TPST1: variants seen among roughly 807,000 people sequenced by gnomAD.
TPST1 encodes tyrosylprotein sulfotransferase 1.
A neutral mutation model predicts 34.8 loss-of-function variants in TPST1; 20 were observed. The ratio of observed to expected loss-of-function variants is 0.57; its 90% CI spans 0.40 to 0.84. TPST1 has a LOEUF of 0.84. TPST1 is among the 40% of genes least tolerant of loss of function. TPST1 has a pLI of 0.00. For missense variants in TPST1, 353 were observed against 455.5 expected (o/e 0.78, Z 2.05); for synonymous variants, 152 against 159.4 (o/e 0.95, Z 0.35).
At chr7:66,215,745 G>A (rs576959855) in intron 1 of TPST1, among the ~76,000 whole-genome samples, 63 of 149,222 alleles carry the variant, frequency 4.2e-4, no homozygotes, top group South Asian at 3.6e-3. Context: ...TACTAGTGAA[G>A]CCATCTTGTC....
At chr7:66,297,432 C>T (rs569442068) in intron 3 of TPST1, among the ~76,000 whole-genome samples, 90 of 152,302 alleles carry the variant, frequency 5.9e-4, no homozygotes, top group African/African-American at 2.1e-3. Flanking sequence ...ATGCTGTGCT[C>T]ATCTATACTT....
At chr7:66,218,971 C>G in intron 1 of TPST1, among the ~76,000 whole-genome samples, 1 of 151,966 alleles carries the variant, frequency 6.6e-6, no homozygotes, top group East Asian at 1.9e-4. Flanking sequence ...ACCTCTGCCT[C>G]CCCGGTTTAA....
In TPST1 at chr7:66,221,926, A is replaced by G. The variant is rs74542066; in HGVS notation, c.-102+16404A>G. ...TTTTTGAGGCAATGATTGAAATTGC[A>G]AAGTTTTTTTCATCAGTTCCAGATT... On this transcript the variant is annotated intron_variant, in intron 1 of 5. Transcript: ENST00000304842. Among the ~76,000 whole-genome samples, 1,147 of 152,302 alleles carry G rather than the reference A, an allele frequency of 7.5e-3. 15 individuals carry two copies. Among genetic ancestry groups the G allele is most frequent in the African/African-American group, 0.024 (997 of 41,570 alleles).
chr7:66,276,396 C>T (rs533704877), intron 2 of TPST1, among the ~76,000 whole-genome samples: 23 of 55,260 alleles, frequency 4.2e-4, no homozygotes, highest in Non-Finnish European at 5.6e-4. Context: ...TTTTTTGAGG[C>T]AGAGCCTCAC....
rs772444654 is a variant in TPST1 at position 66,332,799 on chromosome 7, T to G, written c.1045-19706T>G. On this transcript the variant is annotated intron_variant, in intron 3 of 5. Transcript: ENST00000304842. This position sits in a 1 kb window ranked among gnomAD's most constrained non-coding sequence, Gnocchi z 4.5. ...TGTTATAAGCAGTCTAGAGATGATT[T>G]AAAGTATACAGGAGGATATGTGTAT... Among the ~76,000 whole-genome samples, 11 of 152,188 alleles carry G rather than the reference T, an allele frequency of 7.2e-5. No individual in the cohort carries two copies. The highest frequency in any genetic ancestry group is 1.3e-4 in the Admixed American group (2 of 15,278).
intron 1 of TPST1, among the ~76,000 whole-genome samples, chr7:66,222,807 C>T (rs1206315851): frequency 6.6e-6 from 1 of 152,166 alleles, no homozygotes; most frequent in Non-Finnish European, 1.5e-5. Context: ...CCCTGGGCCC[C>T]TGTTCTTTAA....
intron 3 of TPST1, among the ~76,000 whole-genome samples, chr7:66,316,532 C>A (rs1791636600): frequency 6.6e-6 from 1 of 152,162 alleles, no homozygotes; most frequent in South Asian, 2.1e-4. Flanking sequence ...TTGAAATCTT[C>A]CACTTTGTGG....
At chr7:66,305,767 G>A (rs1791410199) in intron 3 of TPST1, among the ~76,000 whole-genome samples, 1 of 152,160 alleles carries the variant, frequency 6.6e-6, no homozygotes. Flanking sequence ...TTTTGGGGAA[G>A]GATTTTGATA....
chr7:66,284,284 G>A (rs1790987684), intron 2 of TPST1, among the ~76,000 whole-genome samples: 1 of 152,154 alleles, frequency 6.6e-6, no homozygotes. Context: ...GTTGTTTAGT[G>A]AGCATCTACT....
intron 2 of TPST1, among the ~76,000 whole-genome samples, chr7:66,285,303 A>T (rs1036588670): frequency 6.6e-6 from 1 of 152,204 alleles, no homozygotes; most frequent in Non-Finnish European, 1.5e-5. Flanking sequence ...TGTCCTGGGC[A>T]AACGAGGATG....
At chr7:66,352,726 T>C (rs963382279) in intron 4 of TPST1, 171 bp downstream of exon 4, 11 of 985,440 alleles carry the variant, frequency 1.1e-5, no homozygotes, top group South Asian at 4.7e-5. Flanking sequence ...CTGGGACTTG[T>C]TGATTTTAAC....
chr7:66,316,679 A>G (rs1445648793), intron 3 of TPST1, among the ~76,000 whole-genome samples: 1 of 152,262 alleles, frequency 6.6e-6, no homozygotes, highest in Non-Finnish European at 1.5e-5. Flanking sequence ...GACTATCACT[A>G]AAAATGCTTT....
chr7:66,215,024 A>C lies in TPST1; in HGVS notation c.-102+9502A>C, dbSNP rs1407083312. ...ATTAATATGTTTTAAATATATATTTAATATATTAATCTATATTATATTAAA... is the reference window on the plus strand; with the variant it reads ...ATTAATATGTTTTAAATATATATTTCATATATTAATCTATATTATATTAAA... On this transcript the variant is annotated intron_variant, in intron 1 of 5. Coordinates refer to ENST00000304842, the MANE Select transcript of TPST1 (RefSeq NM_003596.4). Among the ~76,000 whole-genome samples, 3 of 147,320 alleles carry C rather than the reference A, an allele frequency of 2.0e-5. No individual in the cohort carries two copies. The Admixed American group carries it at 2.1e-4, about 10-fold the overall frequency.
At chr7:66,328,886 C>CTATATATATATA (rs1554354127) in intron 3 of TPST1, among the ~76,000 whole-genome samples, 3 of 22,096 alleles carry the variant, frequency 1.4e-4, no homozygotes, top group East Asian at 9.6e-4. Flanking sequence ...CTCTCTCTCT[C>CTATATATATATA]TATATATATA....
chr7:66,254,882 T>C (rs940888771), intron 2 of TPST1, among the ~76,000 whole-genome samples: 2 of 151,328 alleles, frequency 1.3e-5, no homozygotes, highest in South Asian at 2.2e-4. Flanking sequence ...GCGTGGTGGC[T>C]CACGCCTGTA....
chr7:66,208,459 C>G (rs1171415176), intron 1 of TPST1, among the ~76,000 whole-genome samples: 1 of 151,872 alleles, frequency 6.6e-6, no homozygotes, highest in African/African-American at 2.4e-5. Flanking sequence ...CCATTTTTAC[C>G]ACTTATACCA....
chr7:66,221,904 T>C (rs1789551052), intron 1 of TPST1, among the ~76,000 whole-genome samples: 1 of 152,234 alleles, frequency 6.6e-6, no homozygotes, highest in Non-Finnish European at 1.5e-5. Flanking sequence ...GAATATCTTT[T>C]TGAGGCAATG....
chr7:66,337,299 ATTTTTTTTTTT>A (rs749288846), intron 3 of TPST1, among the ~76,000 whole-genome samples: 6 of 107,722 alleles, frequency 5.6e-5, no homozygotes, highest in South Asian at 6.9e-4. Flanking sequence ...TAAAAGACAA[ATTTTTTTTTTT>A]TTTTTTTTTT....
chr7:66,224,140 A>T (rs1184062882), intron 1 of TPST1, among the ~76,000 whole-genome samples: 2 of 152,150 alleles, frequency 1.3e-5, no homozygotes, highest in Non-Finnish European at 2.9e-5. Flanking sequence ...TCCCATGTTG[A>T]TGCTCTGACC....
Sources: allele counts gnomAD v4.1 joint callset (sites outside exome capture counted in the v4.1 genomes callset), GRCh38; gene constraint gnomAD v4.1.1; non-coding constraint Gnocchi (gnomAD v3.1); transcripts MANE v1.5; gene names NCBI Gene and HGNC (gene_info 2026-07-23, HGNC 2026-07-21).